NRTN: variants seen among roughly 807,000 people sequenced by gnomAD.
NRTN encodes the protein neurturin, also known as prepro-neurturin.
In NRTN, 3 loss-of-function variants were observed where a neutral mutation model predicts 7.5. The observed-to-expected ratio is 0.40, with a 90% confidence interval of 0.18 to 1.03. The LOEUF (loss-of-function observed/expected upper bound fraction) is 1.03, where lower values mean the gene tolerates loss of function less well. Ranked by LOEUF, NRTN falls within the 50% of genes least tolerant of loss-of-function variation. The pLI is 0.34. For missense variants in NRTN, 310 were observed against 307.0 expected, an observed-to-expected ratio of 1.01 and a Z score of -0.07; for synonymous variants, 157 against 146.6, an observed-to-expected ratio of 1.07 and a Z score of -0.51.
chr19:5,824,462 G>A (rs2057038353), intron 2 of NRTN, 128 bp downstream of exon 2: 1 of 1,177,834 alleles, frequency 8.5e-7, no homozygotes, highest in East Asian at 2.6e-5. Flanking sequence ...CCCCCTTGCA[G>A]GGAGGCAGGG....
chr19:5,824,373 G>GT, intron 2 of NRTN, 39 bp downstream of exon 2: 1 of 1,565,836 alleles, frequency 6.4e-7, no homozygotes, highest in Non-Finnish European at 8.6e-7. Context: ...TACCCCCAAC[G>GT]TAAGGGGTAG....
chr19:5,827,863 G>A lies in NRTN; in HGVS notation c.284G>A (p.Arg95His), dbSNP rs1270908830. The A allele has an allele frequency of 8.2e-7, 1 of 1,218,414 alleles. No homozygotes were observed. Among genetic ancestry groups the A allele is most frequent in the Non-Finnish European group, 1.0e-6 (1 of 980,872 alleles). 75.5% of individuals were successfully genotyped at this position (1,218,414 alleles called of 1,614,324 possible). A position where few individuals can be genotyped will look rare whatever the true frequency, so the allele number is the denominator to read the frequency against. The change falls in exon 3 of 3, where the codon CGT becomes CAT. Residue 95 changes from arginine to histidine, a missense_variant. By Grantham distance (29) the Arg-to-His change is conservative. Coordinates refer to ENST00000303212, the MANE Select transcript of NRTN (RefSeq NM_004558.5). ...RRAGPRRRRA[R>H]ARLGARPCGL... ...GCGGGGCCCCGGCGGCGGCGCGCGC[G>A]TGCGCGGTTGGGGGCGCGGCCTTGC...
intron 1 of NRTN, among the ~76,000 whole-genome samples, chr19:5,813,085 A>G (rs1367046776): frequency 6.6e-6 from 1 of 152,170 alleles, no homozygotes; most frequent in African/African-American, 2.4e-5. Flanking sequence ...GCCCTATTGA[A>G]GATGGGAGGC....
intron 1 of NRTN, among the ~76,000 whole-genome samples, chr19:5,815,228 G>T (rs2057001297): frequency 6.6e-6 from 1 of 152,198 alleles, no homozygotes. Flanking sequence ...GCTCTTGTGT[G>T]TGTCTCTGTG....
chr19:5,811,619 A>G (rs2056990721), intron 1 of NRTN, among the ~76,000 whole-genome samples: 1 of 150,694 alleles, frequency 6.6e-6, no homozygotes, highest in South Asian at 2.1e-4. Flanking sequence ...TGCAACCTCC[A>G]TGTCCTTGGT....
In NRTN at chr19:5,827,815, G is replaced by T. The variant is rs200144113; in HGVS notation, c.236G>T (p.Arg79Leu). ...CGCGAGCTGACGCCCTGGGCTGGGCGGCCCCCAGGTCCGCGCCGTCGGGCG... is the reference window on the plus strand; with the variant it reads ...CGCGAGCTGACGCCCTGGGCTGGGCTGCCCCCAGGTCCGCGCCGTCGGGCG... Reference protein sequence around the residue: ...ELRELTPWAGRPPGPRRRAGP... With the variant: ...ELRELTPWAGLPPGPRRRAGP... The change falls in exon 3 of 3, where the codon CGG (arginine) becomes CTG (leucine). Residue 79 changes from arginine to leucine, a missense_variant. Coordinates refer to ENST00000303212, the MANE Select transcript of NRTN (RefSeq NM_004558.5). 2.9e-5 allele frequency: 34 copies of T among 1,171,700 alleles called. No homozygotes were observed. In the African/African-American group the frequency reaches 4.9e-4, roughly 17 times the overall value. The allele number at this position is 1,171,700 out of a possible 1,614,324, so 72.6% of individuals were successfully genotyped here.
intron 1 of NRTN, among the ~76,000 whole-genome samples, chr19:5,823,075 A>AAAGGAAGAG (rs2057031520): frequency 1.6e-5 from 1 of 61,412 alleles, no homozygotes; most frequent in African/African-American, 5.6e-5. Flanking sequence ...AAAGGAAGAG[A>AAAGGAAGAG]AAAAGAAAGA....
chr19:5,807,844 A>G (rs1363011747), intron 1 of NRTN, among the ~76,000 whole-genome samples: 1 of 152,212 alleles, frequency 6.6e-6, no homozygotes, highest in African/African-American at 2.4e-5. Flanking sequence ...ACACTTTGGG[A>G]GGCCAAGGCA....
chr19:5,815,099 G>A lies in NRTN; in HGVS notation c.-398-8669G>A, dbSNP rs143996226. Among the ~76,000 whole-genome samples, 500 of 152,310 alleles carry A rather than the reference G, an allele frequency of 3.3e-3. 3 individuals carry two copies. The highest frequency in any genetic ancestry group is 5.3e-3 in the Non-Finnish European group (361 of 68,038). ...CACTCTCCTCCCACCGTGTCTGTGC[G>A]CCCTGGAATCTTTGCAGCTGTGGGC... On this transcript the variant is annotated intron_variant, in intron 1 of 2. Transcript: ENST00000303212.
intron 1 of NRTN, among the ~76,000 whole-genome samples, chr19:5,815,419 TGA>T (rs1008489009): frequency 6.7e-6 from 1 of 149,836 alleles, no homozygotes; most frequent in African/African-American, 2.5e-5. Context: ...CTCAAGTGTG[TGA>T]GTGTGATTTT....
chr19:5,828,068 C>G lies in NRTN; in HGVS notation c.489C>G (p.Pro163=). ...RLRRERVRAQ[P]CCRPTAYEDE... Reference sequence around the variant, plus strand: ...GGCGGGAGCGGGTGCGCGCGCAGCCCTGCTGCCGCCCGACGGCCTACGAGG... The same window carrying G: ...GGCGGGAGCGGGTGCGCGCGCAGCCGTGCTGCCGCCCGACGGCCTACGAGG... The change falls in exon 3 of 3, where the codon CCC becomes CCG. Residue 163 remains proline (P), a synonymous_variant. Coordinates refer to ENST00000303212, the MANE Select transcript of NRTN (RefSeq NM_004558.5). 1 of 1,473,904 alleles carries G rather than the reference C, an allele frequency of 6.8e-7. No homozygotes were observed. 91.3% of individuals were successfully genotyped at this position (1,473,904 alleles called of 1,614,324 possible).
intron 1 of NRTN, among the ~76,000 whole-genome samples, chr19:5,823,071 AG>A (rs1222804272): frequency 8.7e-6 from 1 of 115,000 alleles, no homozygotes; most frequent in African/African-American, 3.0e-5. Context: ...AAAGAAAGGA[AG>A]AGAAAAAGAA....
rs1342847696 is a variant in NRTN at position 5,827,970 on chromosome 19, G to T, written c.391G>T (p.Ala131Ser). 24 of 1,473,484 alleles carry T rather than the reference G, an allele frequency of 1.6e-5. No homozygotes were observed. The highest frequency in any genetic ancestry group is 2.1e-5 in the Non-Finnish European group (24 of 1,118,462). 91.3% of individuals were successfully genotyped at this position (1,473,484 alleles called of 1,614,324 possible). The change falls in exon 3 of 3, where the codon GCA becomes TCA. Residue 131 changes from alanine to serine, a missense_variant. Transcript: ENST00000303212. ...CGAGACGGTGCTGTTCCGCTACTGC[G>T]CAGGCGCCTGCGAGGCTGCCGCGCG... ...SDETVLFRYC[A>S]GACEAAARVY...
intron 1 of NRTN, among the ~76,000 whole-genome samples, chr19:5,822,873 A>G (rs1052347873): frequency 6.6e-6 from 1 of 152,126 alleles, no homozygotes. Context: ...ATTAAAAATT[A>G]GCCAGGCACG....
At chr19:5,809,524 A>C (rs1038079556) in intron 1 of NRTN, among the ~76,000 whole-genome samples, 23 of 151,154 alleles carry the variant, frequency 1.5e-4, no homozygotes, top group Admixed American at 3.3e-4. Flanking sequence ...ACATCTAATT[A>C]CCTTATTTCA....
intron 1 of NRTN, among the ~76,000 whole-genome samples, chr19:5,808,494 AC>A (rs1366813939): frequency 6.6e-6 from 1 of 152,000 alleles, no homozygotes; most frequent in Admixed American, 6.6e-5. Flanking sequence ...TGGCACACAC[AC>A]GCTCCCTAGC....
At position 5,806,952 on chromosome 19, in the gene NRTN, G is replaced by A. The variant is rs2056976753; in HGVS notation, c.-399+1501G>A. On this transcript the variant is annotated intron_variant, in intron 1 of 2. Transcript: ENST00000303212. The surrounding 1 kb of genome is among the most constrained non-coding windows in gnomAD (Gnocchi z 5.4). The stretch of plus-strand genomic sequence containing the variant: ...AACCGCGTGGTTGACTGGTGTCAGG[G>A]TTGTTGGGTGCTGTCCTTCAAGGGA... Among the ~76,000 whole-genome samples the A allele has an allele frequency of 6.6e-6, 1 of 152,192 alleles. No individual in the cohort carries two copies. Among genetic ancestry groups the A allele is most frequent in the Non-Finnish European group, 1.5e-5 (1 of 68,030 alleles).
At position 5,824,225 on chromosome 19, in the gene NRTN, C is replaced by T. The variant is rs2057036884; in HGVS notation, c.60C>T (p.Ile20=). 1 of 1,612,410 alleles carries T rather than the reference C, an allele frequency of 6.2e-7. No individual in the cohort carries two copies. Among genetic ancestry groups the T allele is most frequent in the Admixed American group, 1.7e-5 (1 of 60,006 alleles). The change falls in exon 2 of 3, where the codon ATC becomes ATT. Residue 20 remains isoleucine (I), a synonymous_variant. Transcript: ENST00000303212. The part of the protein sequence containing the change: ...ASVLCSSVLS[I]WMCREGLLLS... ...TGCTCTGCAGCTCCGTGCTGTCCAT[C>T]TGGATGTGTCGAGAGGGCCTGCTTC... is the stretch of plus-strand genomic sequence containing the variant.
rs564397989 is a variant in NRTN at position 5,818,041 on chromosome 19, G to T, written c.-398-5727G>T. ...TGCAGTGGGGAGATCTCAGCTCACTGCAACCTCCACCTCCCAGGTTCAAGT... is the reference window on the plus strand; with the variant it reads ...TGCAGTGGGGAGATCTCAGCTCACTTCAACCTCCACCTCCCAGGTTCAAGT... On this transcript the variant is annotated intron_variant, in intron 1 of 2. Coordinates refer to ENST00000303212, the MANE Select transcript of NRTN (RefSeq NM_004558.5). 1.1e-4 allele frequency among the ~76,000 whole-genome samples: 17 copies of T among 152,146 alleles called. No individual in the cohort carries two copies. In the South Asian group the frequency reaches 3.1e-3, roughly 28 times the overall value.
Sources: allele counts gnomAD v4.1 joint callset (sites outside exome capture counted in the v4.1 genomes callset), GRCh38; gene constraint gnomAD v4.1.1; non-coding constraint Gnocchi (gnomAD v3.1); transcripts MANE v1.5; gene names NCBI Gene and HGNC (gene_info 2026-07-23, HGNC 2026-07-21).